Variants in TRMT9B observed in about 807,000 individuals in gnomAD.
TRMT9B encodes the protein tRNA methyltransferase 9B (putative), also known as probable tRNA methyltransferase 9B.
Under a neutral mutation model 11.5 loss-of-function variants are expected in TRMT9B, and 16 were observed. That is an observed-to-expected ratio of 1.39 (90% CI 0.94 to 2.11). The LOEUF is 2.11. Among genes scored for constraint, TRMT9B ranks in the 30% most tolerant of loss-of-function variants. TRMT9B has a pLI of 0.00. For missense variants in TRMT9B, 941 were observed against 553.8 expected, an observed-to-expected ratio of 1.70 and a Z score of -7.02; for synonymous variants, 274 against 192.4, an observed-to-expected ratio of 1.42 and a Z score of -3.51.
chr8:12,984,585 C>A (rs1264023613), intron 1 of TRMT9B, among the ~76,000 whole-genome samples: 1 of 152,164 alleles, frequency 6.6e-6, no homozygotes, highest in Non-Finnish European at 1.5e-5. Context: ...CACTCCTTCT[C>A]TGGAAGTGCC....
At position 13,021,209 on chromosome 8, in the gene TRMT9B, G is replaced by T; in HGVS notation, c.530G>T (p.Arg177Met). The T allele has an allele frequency of 6.2e-7, 1 of 1,613,834 alleles. No homozygotes were observed. The highest frequency in any genetic ancestry group is 8.5e-7 in the Non-Finnish European group (1 of 1,179,784). The change falls in exon 5 of 5, where the codon AGG becomes ATG. Residue 177 changes from arginine to methionine, a missense_variant. Arg to Met is a moderately conservative substitution (Grantham distance 91). Transcript: ENST00000524591. ...TTCTCAGAGTCCAGCCAGTCTGGGA[G>T]GAAGAGGCAGTGTGGATACCCAGAA... The part of the protein sequence containing the change: ...QLFSESSQSG[R>M]KRQCGYPERG...
chr8:12,950,851 C>G (rs1029406076), intron 1 of TRMT9B, among the ~76,000 whole-genome samples: 1 of 152,166 alleles, frequency 6.6e-6, no homozygotes, highest in Non-Finnish European at 1.5e-5. Context: ...CATAAATAAC[C>G]TGAACTGGAA....
At chr8:12,965,308 G>A (rs1345997330) in intron 1 of TRMT9B, among the ~76,000 whole-genome samples, 1 of 152,220 alleles carries the variant, frequency 6.6e-6, no homozygotes, top group Non-Finnish European at 1.5e-5. Flanking sequence ...AAGCTATTGA[G>A]GAGCTCAGTT....
In TRMT9B at chr8:13,028,574, C is replaced by CT. The variant is rs1174647202; in HGVS notation, c.*6549dup. 819 of 76,174 alleles carry CT rather than the reference C, an allele frequency of 0.011. 18 individuals carry two copies. Among genetic ancestry groups the CT allele is most frequent in the African/African-American group, 0.027 (628 of 23,004 alleles). The allele number at this position is 76,174 out of a possible 1,614,324, so 4.7% of individuals were successfully genotyped here. On this transcript the variant is annotated 3_prime_UTR_variant, in exon 5 of 5. Transcript: ENST00000524591. ...GATAAGCACTTTTCTCTTTTCTTTT[C>CT]TTTTTTTTTTTTTTTTTTTGAGACA...
rs373364904 is a variant in TRMT9B at position 13,021,727 on chromosome 8, C to G, written c.1048C>G (p.Leu350Val). The G allele has an allele frequency of 1.2e-6, 2 of 1,613,900 alleles. No homozygotes were observed. Among genetic ancestry groups the G allele is most frequent in the Non-Finnish European group, 1.7e-6 (2 of 1,179,872 alleles). Residue 350 changes from leucine (L) to valine (V), a missense_variant, in exon 5 of 5, where the codon CTG becomes GTG. Physicochemically the swap from Leu to Val is conservative, Grantham distance 32. Transcript: ENST00000524591. ...EMRRNGGGNF[L>V]DSTNTGVNCV... Reference sequence around the variant, plus strand: ...GAGGAGAAATGGAGGGGGAAATTTTCTGGATAGCACTAATACTGGTGTGAA... The same window carrying G: ...GAGGAGAAATGGAGGGGGAAATTTTGTGGATAGCACTAATACTGGTGTGAA...
chr8:12,990,758 A>G, intron 1 of TRMT9B, 76 bp from the exon 2 acceptor site: 1 of 949,090 alleles, frequency 1.1e-6, no homozygotes, highest in African/African-American at 1.7e-5. Context: ...TAGGTCAGGA[A>G]GTCAGCCTGG....
intron 4 of TRMT9B, among the ~76,000 whole-genome samples, chr8:13,020,187 T>G (rs1813551591): frequency 6.6e-6 from 1 of 152,192 alleles, no homozygotes; most frequent in South Asian, 2.1e-4. Flanking sequence ...AATCTTCCAA[T>G]TTTGCTTGAG....
intron 4 of TRMT9B, among the ~76,000 whole-genome samples, chr8:13,018,067 G>C (rs964025571): frequency 7.7e-5 from 11 of 142,466 alleles, no homozygotes; most frequent in Admixed American, 7.3e-5. Context: ...GGTCACTTAA[G>C]CATTAATAAA....
chr8:13,018,066 A>G, intron 4 of TRMT9B, among the ~76,000 whole-genome samples: 1 of 150,126 alleles, frequency 6.7e-6, no homozygotes. Context: ...TGGTCACTTA[A>G]GCATTAATAA....
In TRMT9B at chr8:13,021,085, C is replaced by G. The variant is rs769355267; in HGVS notation, c.406C>G (p.Gln136Glu). Reference sequence around the variant, plus strand: ...GGCCAGGGTCTTAGTTCCCGGAGGCCAACTGATGATTTACGTTTGGGCAAT... The same window carrying G: ...GGCCAGGGTCTTAGTTCCCGGAGGCGAACTGATGATTTACGTTTGGGCAAT... ...EMARVLVPGG[Q>E]LMIYVWAMEQ... Residue 136 changes from glutamine to glutamate, a missense_variant, in exon 5 of 5, where the codon CAA becomes GAA. Physicochemically the swap from Gln to Glu is conservative, Grantham distance 29. Transcript: ENST00000524591. The G allele has an allele frequency of 1.9e-6, 3 of 1,607,878 alleles. No individual in the cohort carries two copies. The highest frequency in any genetic ancestry group is 2.5e-6 in the Non-Finnish European group (3 of 1,176,624).
intron 1 of TRMT9B, among the ~76,000 whole-genome samples, chr8:12,953,533 G>T (rs1419035013): frequency 6.6e-6 from 1 of 152,060 alleles, no homozygotes; most frequent in Non-Finnish European, 1.5e-5. Context: ...TGTGTTTTTA[G>T]TAGAGAGGGG....
At chr8:12,949,560 A>C (rs912679535) in intron 1 of TRMT9B, among the ~76,000 whole-genome samples, 3 of 152,168 alleles carry the variant, frequency 2.0e-5, no homozygotes, top group Admixed American at 6.6e-5. Flanking sequence ...GATGGCCTCA[A>C]CTAGAAAAAT....
At chr8:12,949,813 T>C (rs906713614) in intron 1 of TRMT9B, among the ~76,000 whole-genome samples, 2 of 152,236 alleles carry the variant, frequency 1.3e-5, no homozygotes, top group East Asian at 3.8e-4. Context: ...CTTGAAAGCA[T>C]ATCAAATATA....
At chr8:12,946,874 T>A (rs1184555400) in intron 1 of TRMT9B, among the ~76,000 whole-genome samples, 2 of 152,172 alleles carry the variant, frequency 1.3e-5, no homozygotes, top group Non-Finnish European at 2.9e-5. Context: ...GCCAGGAAGT[T>A]CCCTATGTAC....
chr8:13,017,799 T>G, intron 4 of TRMT9B, among the ~76,000 whole-genome samples: 1 of 151,512 alleles, frequency 6.6e-6, no homozygotes, highest in East Asian at 2.0e-4. Flanking sequence ...ATTTTTTATT[T>G]TTTTGGTAGA....
chr8:13,024,813 T>C lies in TRMT9B; in HGVS notation c.*2769T>C, dbSNP rs1236143037. 2 of 166,982 alleles carry C rather than the reference T, an allele frequency of 1.2e-5. No individual in the cohort carries two copies. Among genetic ancestry groups the C allele is most frequent in the Non-Finnish European group, 1.5e-5 (1 of 68,116 alleles). 10.3% of individuals were successfully genotyped at this position (166,982 alleles called of 1,614,324 possible). ...TAAGAATCTATGCATCCAGATATTA[T>C]TTTGTATACAAATATTTAATTTGGT... On this transcript the variant is annotated 3_prime_UTR_variant, in exon 5 of 5. Transcript: ENST00000524591.
Position 13,011,475 on chromosome 8 carries a change from T to A in TRMT9B, c.155-1209T>A, listed in dbSNP as rs28557423. The A allele has an allele frequency of 5.9e-3, 5,858 of 984,666 alleles. 267 individuals carry two copies. In the African/African-American group the frequency reaches 0.094, roughly 16 times the overall value. The allele number at this position is 984,666 out of a possible 1,614,324, so 61.0% of individuals were successfully genotyped here. On this transcript the variant is annotated intron_variant, in intron 3 of 4. Coordinates refer to ENST00000524591, the MANE Select transcript of TRMT9B (RefSeq NM_020844.3). Reference sequence around the variant, plus strand: ...GTAGATATCTTTTCAGGTAGAAAAATTTCATCAGTAATGCCAATAAGTACA... The same window carrying A: ...GTAGATATCTTTTCAGGTAGAAAAAATTCATCAGTAATGCCAATAAGTACA...
intron 1 of TRMT9B, among the ~76,000 whole-genome samples, chr8:12,984,540 T>C (rs1287874376): frequency 6.6e-6 from 1 of 152,158 alleles, no homozygotes; most frequent in Non-Finnish European, 1.5e-5. Flanking sequence ...TAAACCTTCT[T>C]TCCTGGGAGA....
intron 1 of TRMT9B, among the ~76,000 whole-genome samples, chr8:12,983,661 C>A (rs948177873): frequency 6.6e-6 from 1 of 152,106 alleles, no homozygotes; most frequent in Non-Finnish European, 1.5e-5. Flanking sequence ...CAGAGCAAGA[C>A]GCCGTCTCAA....
Sources: allele counts gnomAD v4.1 joint callset (sites outside exome capture counted in the v4.1 genomes callset), GRCh38; gene constraint gnomAD v4.1.1; transcripts MANE v1.5; gene names NCBI Gene and HGNC (gene_info 2026-07-23, HGNC 2026-07-21).